FMN1: variants seen among roughly 807,000 people sequenced by gnomAD.
FMN1 encodes formin 1, also known as formin-1.
In FMN1, 110 loss-of-function variants were observed where a neutral mutation model predicts 132.4. That is an observed-to-expected ratio of 0.83 (90% CI 0.71 to 0.97). FMN1 has a LOEUF of 0.97. Among genes scored for constraint, FMN1 ranks in the 50% least tolerant of loss-of-function variants. The pLI is 0.00. For missense variants in FMN1, 1,792 were observed against 1,705.3 expected (o/e 1.05, Z -0.90); for synonymous variants, 722 against 651.7 (o/e 1.11, Z -1.64).
intron 19 of FMN1, among the ~76,000 whole-genome samples, chr15:32,779,315 G>A (rs1297180140): frequency 2.0e-5 from 3 of 152,158 alleles, no homozygotes; most frequent in Non-Finnish European, 2.9e-5. Context: ...TTTATGATAT[G>A]TAAATTCTAT....
At chr15:32,960,289 G>C in intron 9 of FMN1, among the ~76,000 whole-genome samples, 1 of 152,128 alleles carries the variant, frequency 6.6e-6, no homozygotes, top group Admixed American at 6.5e-5. Flanking sequence ...ACCAAATCTC[G>C]TGAGAACTCA....
At chr15:32,816,744 G>A (rs559947944) in intron 17 of FMN1, among the ~76,000 whole-genome samples, 17 of 152,198 alleles carry the variant, frequency 1.1e-4, no homozygotes, top group African/African-American at 4.1e-4. Flanking sequence ...GAAATAAGTC[G>A]TAACAGAAAA....
intron 4 of FMN1, among the ~76,000 whole-genome samples, chr15:33,125,477 A>C (rs1029366221): frequency 2.0e-5 from 3 of 152,114 alleles, no homozygotes; most frequent in African/African-American, 7.3e-5. Flanking sequence ...ATGGGGTTAT[A>C]CAAATTAGTT....
intron 9 of FMN1, among the ~76,000 whole-genome samples, chr15:32,940,870 C>T (rs1049170873): frequency 6.6e-5 from 10 of 152,126 alleles, no homozygotes; most frequent in African/African-American, 2.4e-4. Context: ...CCAATAGCAG[C>T]AGAGGCTTTC....
intron 4 of FMN1, among the ~76,000 whole-genome samples, chr15:33,118,642 CTAA>C (rs2040018409): frequency 6.6e-6 from 1 of 152,044 alleles, no homozygotes; most frequent in African/African-American, 2.4e-5. Context: ...CTCTCACATC[CTAA>C]TAATGCTCAT....
intron 6 of FMN1, chr15:33,012,382 G>A: frequency 1.1e-6 from 1 of 899,960 alleles, no homozygotes. Flanking sequence ...ACCAAAGAGA[G>A]CTGTCTAAGA....
intron 4 of FMN1, among the ~76,000 whole-genome samples, chr15:33,130,008 T>C (rs1237774135): frequency 2.0e-5 from 3 of 152,146 alleles, no homozygotes; most frequent in Non-Finnish European, 2.9e-5. Flanking sequence ...TTGGCCAGGA[T>C]GGTCTCATCC....
intron 17 of FMN1, among the ~76,000 whole-genome samples, chr15:32,809,748 C>G (rs1445589472): frequency 2.0e-5 from 3 of 152,000 alleles, no homozygotes; most frequent in Admixed American, 2.0e-4. Context: ...TGTGGAGATC[C>G]AAACACACTA....
intron 4 of FMN1, among the ~76,000 whole-genome samples, chr15:33,117,227 A>G (rs1428028105): frequency 6.6e-6 from 1 of 152,196 alleles, no homozygotes; most frequent in Non-Finnish European, 1.5e-5. Context: ...AAACAAATCC[A>G]GGGTGCCACT....
rs1248690553 is a variant in FMN1 at position 32,899,962 on chromosome 15, T to A, written c.3654+17A>T. 1 of 1,609,768 alleles carries A rather than the reference T, an allele frequency of 6.2e-7. No homozygotes were observed. The highest frequency in any genetic ancestry group is 8.5e-7 in the Non-Finnish European group (1 of 1,178,584). On this transcript the variant is annotated intron_variant, in intron 14 of 20. Transcript: ENST00000616417. ...AATAATGGCAGATCATGGGAACTTA[T>A]TATGAAAAATAAATACCCGACTTTT...
chr15:32,781,657 C>T (rs1460951416), intron 19 of FMN1, among the ~76,000 whole-genome samples: 1 of 152,124 alleles, frequency 6.6e-6, no homozygotes, highest in Non-Finnish European at 1.5e-5. Context: ...CTGCTATAAA[C>T]CCAGTTTACT....
chr15:33,082,572 T>C (rs998921769), intron 5 of FMN1, among the ~76,000 whole-genome samples: 1 of 152,172 alleles, frequency 6.6e-6, no homozygotes, highest in African/African-American at 2.4e-5. Flanking sequence ...GCACTTGTTA[T>C]AAGAATTTAG....
In FMN1 at chr15:32,766,340, T is replaced by A. The variant is rs960921282; in HGVS notation, c.*7970A>T. 2 of 152,186 alleles carry A rather than the reference T, an allele frequency of 1.3e-5. No individual in the cohort carries two copies. The highest frequency in any genetic ancestry group is 2.9e-5 in the Non-Finnish European group (2 of 68,040). 9.4% of individuals were successfully genotyped at this position (152,186 alleles called of 1,614,324 possible). ...AATGGAGCGGCAATAAAAATCCTTA[T>A]GATTCAAAGTGTTTGCCTGCACAGA... On this transcript the variant is annotated 3_prime_UTR_variant, in exon 21 of 21. Transcript: ENST00000616417.
intron 6 of FMN1, among the ~76,000 whole-genome samples, chr15:33,032,290 A>G (rs2035975219): frequency 6.6e-6 from 1 of 152,210 alleles, no homozygotes; most frequent in South Asian, 2.1e-4. Flanking sequence ...ATCCCCCTCC[A>G]ATAAATTCTG....
chr15:33,148,139 T>C (rs915139659), intron 4 of FMN1, among the ~76,000 whole-genome samples: 2 of 152,212 alleles, frequency 1.3e-5, no homozygotes, highest in Non-Finnish European at 2.9e-5. Flanking sequence ...TAACAAAACA[T>C]ATACCCATAT....
At chr15:33,180,420 G>GT (rs1344055051) in intron 2 of FMN1, among the ~76,000 whole-genome samples, 158 bp from the exon 3 acceptor site, 1 of 152,180 alleles carries the variant, frequency 6.6e-6, no homozygotes, top group African/African-American at 2.4e-5. Flanking sequence ...GTCTTCTGGA[G>GT]TAAGTCTAGG....
intron 6 of FMN1, among the ~76,000 whole-genome samples, chr15:33,043,520 C>T (rs1245673421): frequency 6.6e-6 from 1 of 152,236 alleles, no homozygotes; most frequent in Non-Finnish European, 1.5e-5. Context: ...TGCTGTGATT[C>T]TGGGGACTCC....
rs767872518 is a variant in FMN1 at position 33,123,403 on chromosome 15, G to A, written c.1867+29645C>T. On this transcript the variant is annotated intron_variant, in intron 4 of 20. Transcript: ENST00000616417. Reference sequence around the variant, plus strand: ...CTGCACTATATAGTATACAGACTTGGTTCAAACAATGTTTGTTGAATGAAT... The same window carrying A: ...CTGCACTATATAGTATACAGACTTGATTCAAACAATGTTTGTTGAATGAAT... 3.3e-5 allele frequency among the ~76,000 whole-genome samples: 5 copies of A among 152,062 alleles called. No individual in the cohort carries two copies. In the South Asian group the frequency reaches 8.3e-4, roughly 25 times the overall value.
intron 15 of FMN1, among the ~76,000 whole-genome samples, chr15:32,893,514 C>T (rs569761696): frequency 6.6e-6 from 1 of 152,290 alleles, no homozygotes; most frequent in African/African-American, 2.4e-5. Context: ...TTTCACAGAC[C>T]AAGACTTGGA....
Sources: gnomAD v4.1 joint callset for allele counts (sites outside exome capture counted in the v4.1 genomes callset) on GRCh38, gnomAD v4.1.1 for gene constraint, MANE v1.5 for transcripts, NCBI Gene and HGNC (gene_info 2026-07-23, HGNC 2026-07-21) for gene names.